Variants in PHF20 observed in about 807,000 individuals in gnomAD.
PHF20 encodes PHD finger protein 20.
In PHF20, 23 loss-of-function variants were observed where a neutral mutation model predicts 113.5. That is an observed-to-expected ratio of 0.20 (90% confidence interval 0.15 to 0.29). The LOEUF (loss-of-function observed/expected upper bound fraction) is 0.29. PHF20 is among the 10% of genes least tolerant of loss of function. The probability of loss-of-function intolerance (pLI) is 1.00; values close to 1 mark genes in which losing one functional copy is unlikely to be tolerated. For synonymous variants in PHF20, 434 were observed against 457.3 expected, an observed-to-expected ratio of 0.95 and a Z score of 0.65; for missense variants, 943 against 1,219.6, an observed-to-expected ratio of 0.77 and a Z score of 3.38.
At chr20:35,910,188 C>T (rs1395129837) in intron 10 of PHF20, among the ~76,000 whole-genome samples, 1 of 152,050 alleles carries the variant, frequency 6.6e-6, no homozygotes, top group East Asian at 1.9e-4. Context: ...TTGTATGGTT[C>T]CATATTTATG....
chr20:35,822,272 G>A (rs1403818334), intron 2 of PHF20, among the ~76,000 whole-genome samples: 1 of 152,050 alleles, frequency 6.6e-6, no homozygotes, highest in Non-Finnish European at 1.5e-5. Flanking sequence ...AAGAAACCTA[G>A]CTGGGCATGG....
At chr20:35,776,636 C>A (rs985283460) in intron 1 of PHF20, among the ~76,000 whole-genome samples, 5 of 152,158 alleles carry the variant, frequency 3.3e-5, no homozygotes, top group African/African-American at 1.2e-4. Flanking sequence ...TCCACGTGAT[C>A]CTGTTGCCAG....
At chr20:35,794,894 G>C (rs2041636361) in intron 1 of PHF20, among the ~76,000 whole-genome samples, 1 of 152,008 alleles carries the variant, frequency 6.6e-6, no homozygotes, top group African/African-American at 2.4e-5. Context: ...CTGTAAATGT[G>C]ATATGAATTC....
At chr20:35,798,947 G>A (rs2041723253) in intron 1 of PHF20, among the ~76,000 whole-genome samples, 2 of 152,034 alleles carry the variant, frequency 1.3e-5, no homozygotes. Flanking sequence ...TTTAATGTGA[G>A]CTCCATGTGG....
chr20:35,945,120 A>G (rs959697720), intron 17 of PHF20, among the ~76,000 whole-genome samples: 30 of 152,164 alleles, frequency 2.0e-4, no homozygotes, highest in African/African-American at 7.0e-4. Context: ...GGAACCCCCA[A>G]ATACCAACAA....
At chr20:35,848,160 T>TATTA (rs1267953093) in intron 4 of PHF20, among the ~76,000 whole-genome samples, 2 of 152,218 alleles carry the variant, frequency 1.3e-5, no homozygotes, top group Non-Finnish European at 2.9e-5. Flanking sequence ...TAGGGTTGAC[T>TATTA]ATTAGGCCAG....
chr20:35,912,210 C>T (rs886713245), intron 10 of PHF20, among the ~76,000 whole-genome samples: 1 of 148,176 alleles, frequency 6.7e-6, no homozygotes, highest in Non-Finnish European at 1.5e-5. Flanking sequence ...GAACTCCTGA[C>T]CTTGTGATCT....
At chr20:35,783,840 G>A (rs1440302172) in intron 1 of PHF20, among the ~76,000 whole-genome samples, 2 of 151,924 alleles carry the variant, frequency 1.3e-5, no homozygotes, top group African/African-American at 2.4e-5. Flanking sequence ...AAAATTAGCC[G>A]GGCATGGTGG....
In PHF20 at chr20:35,949,581, ACT is replaced by A. The variant is rs2056142172; in HGVS notation, c.*1955_*1956del. On this transcript the variant is annotated 3_prime_UTR_variant, in exon 18 of 18. Coordinates refer to ENST00000374012, the MANE Select transcript of PHF20 (RefSeq NM_016436.5). ...AAGTAATCTCCTTTCATTCATTGTG[ACT>A]TTTGTTCTTAGGGAAGCAGAGAAGA... 6.6e-6 allele frequency: 1 copy of A among 152,530 alleles called. No homozygotes were observed. Among genetic ancestry groups the A allele is most frequent in the African/African-American group, 2.4e-5 (1 of 41,422 alleles). The allele number at this position is 152,530 out of a possible 1,614,324, so 9.4% of individuals were successfully genotyped here. A position where few individuals can be genotyped will look rare whatever the true frequency, so the allele number is the denominator to read the frequency against.
intron 2 of PHF20, among the ~76,000 whole-genome samples, chr20:35,833,050 CAAAAA>C (rs56997481): frequency 2.9e-5 from 2 of 69,820 alleles, no homozygotes; most frequent in South Asian, 4.4e-4. Flanking sequence ...GACTCCATCT[CAAAAA>C]AAAAAAAAAA....
chr20:35,783,414 C>G (rs1014663560), intron 1 of PHF20, among the ~76,000 whole-genome samples: 2 of 151,654 alleles, frequency 1.3e-5, no homozygotes, highest in African/African-American at 4.8e-5. Context: ...GAAAAAGACT[C>G]TTACTTTTTT....
chr20:35,893,709 G>A (rs1399465316), intron 9 of PHF20, among the ~76,000 whole-genome samples: 2 of 151,988 alleles, frequency 1.3e-5, no homozygotes, highest in Non-Finnish European at 2.9e-5. Context: ...CCACCTAGCA[G>A]GTTCAAGTGA....
At chr20:35,830,886 C>T (rs1357233663) in intron 2 of PHF20, among the ~76,000 whole-genome samples, 1 of 151,956 alleles carries the variant, frequency 6.6e-6, no homozygotes, top group African/African-American at 2.4e-5. Context: ...TTCTCTCTCC[C>T]CTGTCCTGCT....
In PHF20 at chr20:35,927,784, A is replaced by G; in HGVS notation, c.2009A>G (p.Glu670Gly). ...QEENDFMIQC[E>G]ECQCWQHGVC... is the part of the protein sequence containing the mutation. ...TTGCTTCTTTAATTCTAACAGTGTG[A>G]AGAGTGCCAGTGCTGGCAGCATGGG... Residue 670 changes from glutamate (E) to glycine (G), a missense_variant, in exon 14 of 18, where the codon GAA becomes GGA. Physicochemically the swap from Glu to Gly is moderately conservative, Grantham distance 98. Around this residue, in one of 3 missense-constraint regions of PHF20, gnomAD observed 2 missense variants for 20.1 expected, o/e 0.10. Coordinates refer to ENST00000374012, the MANE Select transcript of PHF20 (RefSeq NM_016436.5). The G allele has an allele frequency of 6.2e-7, 1 of 1,611,196 alleles. No individual in the cohort carries two copies. Among genetic ancestry groups the G allele is most frequent in the Non-Finnish European group, 8.5e-7 (1 of 1,177,326 alleles).
chr20:35,809,578 CAAA>C (rs770576683), intron 2 of PHF20, among the ~76,000 whole-genome samples: 14 of 99,746 alleles, frequency 1.4e-4, no homozygotes, highest in Non-Finnish European at 2.3e-4. Context: ...GACTTTGTCT[CAAA>C]AAAAAAAAAA....
intron 2 of PHF20, among the ~76,000 whole-genome samples, chr20:35,817,329 G>A (rs1368295153): frequency 6.6e-6 from 1 of 152,006 alleles, no homozygotes; most frequent in East Asian, 1.9e-4. Context: ...AGGGATTACG[G>A]GCCCCTGCCA....
At chr20:35,812,798 G>T (rs963963664) in intron 2 of PHF20, among the ~76,000 whole-genome samples, 3 of 151,886 alleles carry the variant, frequency 2.0e-5, no homozygotes, top group African/African-American at 7.3e-5. Context: ...GGGATACTCT[G>T]GTACGTGTCA....
intron 1 of PHF20, among the ~76,000 whole-genome samples, chr20:35,784,448 T>TTC (rs1300640066): frequency 6.8e-6 from 1 of 147,750 alleles, no homozygotes; most frequent in East Asian, 2.0e-4. Flanking sequence ...TTTTTTTTTT[T>TTC]TTTTTTGAGA....
At chr20:35,877,918 T>C (rs1568693590) in intron 9 of PHF20, among the ~76,000 whole-genome samples, 1 of 152,230 alleles carries the variant, frequency 6.6e-6, no homozygotes, top group Non-Finnish European at 1.5e-5. Flanking sequence ...GAATTGTCAC[T>C]GAAGTATCAA....
Sources: allele counts gnomAD v4.1 joint callset (sites outside exome capture counted in the v4.1 genomes callset), GRCh38; gene constraint gnomAD v4.1.1; regional missense constraint gnomAD v4.1.1; transcripts MANE v1.5; gene names NCBI Gene and HGNC (gene_info 2026-07-23, HGNC 2026-07-21).